RANBP17: variants seen among roughly 807,000 people sequenced by gnomAD.
RANBP17 encodes ran-binding protein 17.
In RANBP17, 158 loss-of-function variants were observed where a neutral mutation model predicts 141.2. The observed-to-expected ratio is 1.12, with a 90% CI of 0.98 to 1.28. RANBP17 has a LOEUF of 1.28. RANBP17 is among the 50% of genes most tolerant of loss of function. The pLI is 0.00. For synonymous variants in RANBP17, 430 were observed against 450.0 expected, an observed-to-expected ratio of 0.96 and a Z score of 0.56; for missense variants, 1,438 against 1,290.7, an observed-to-expected ratio of 1.11 and a Z score of -1.75.
chr5:171,116,022 A>T (rs1013361377), intron 14 of RANBP17, among the ~76,000 whole-genome samples: 4 of 152,146 alleles, frequency 2.6e-5, no homozygotes, highest in African/African-American at 9.7e-5. Context: ...TGAAATTGTG[A>T]CTTTGTTTTG....
chr5:170,912,894 T>C (rs943296092), intron 7 of RANBP17, among the ~76,000 whole-genome samples: 30 of 152,024 alleles, frequency 2.0e-4, no homozygotes, highest in African/African-American at 7.2e-4. Context: ...AAAAAAGATA[T>C]TCACTAAGCT....
chr5:170,880,646 G>A (rs1581038859), intron 2 of RANBP17, among the ~76,000 whole-genome samples: 1 of 152,196 alleles, frequency 6.6e-6, no homozygotes, highest in South Asian at 2.1e-4. Context: ...GATATTGCTT[G>A]GTCTGATATT....
At chr5:171,191,282 TA>T (rs1350632681) in intron 18 of RANBP17, among the ~76,000 whole-genome samples, 1 of 152,174 alleles carries the variant, frequency 6.6e-6, no homozygotes, top group African/African-American at 2.4e-5. Context: ...TAATAATAGT[TA>T]ACATTTGTTT....
chr5:171,117,642 C>T (rs189834258), intron 14 of RANBP17, among the ~76,000 whole-genome samples: 6 of 151,936 alleles, frequency 3.9e-5, no homozygotes, highest in Admixed American at 6.6e-5. Flanking sequence ...TACAGATGCA[C>T]GCCATGACGT....
intron 14 of RANBP17, among the ~76,000 whole-genome samples, chr5:171,162,588 T>G (rs1470635871): frequency 6.6e-6 from 1 of 152,132 alleles, no homozygotes; most frequent in Non-Finnish European, 1.5e-5. Context: ...ATACCTGTAC[T>G]CTTTCTAATA....
chr5:171,173,202 T>A (rs1452936871), intron 16 of RANBP17, among the ~76,000 whole-genome samples: 1 of 152,066 alleles, frequency 6.6e-6, no homozygotes, highest in Non-Finnish European at 1.5e-5. Flanking sequence ...TCTGTTTTAG[T>A]GCAGTTACTG....
At chr5:171,074,720 T>C (rs1417666386) in intron 14 of RANBP17, among the ~76,000 whole-genome samples, 5 of 152,218 alleles carry the variant, frequency 3.3e-5, no homozygotes, top group Non-Finnish European at 2.9e-5. Flanking sequence ...TAATTGCCTA[T>C]TATAATCTTT....
Position 170,918,707 on chromosome 5 carries a change from A to G in RANBP17, c.955-6A>G. 6.3e-7 allele frequency: 1 copy of G among 1,591,318 alleles called. No individual in the cohort carries two copies. The highest frequency in any genetic ancestry group is 1.4e-5 in the African/African-American group (1 of 73,500). ...TTTAAGCCTTTCTTTTTGTCTCATA[A>G]TTTAGGGTTTGTCTGATCCAGGTAA... On this transcript the variant is annotated splice_region_variant and splice_polypyrimidine_tract_variant and intron_variant, in intron 9 of 27. Transcript: ENST00000523189.
chr5:171,027,613 A>T (rs1781306180), intron 14 of RANBP17, among the ~76,000 whole-genome samples: 1 of 152,002 alleles, frequency 6.6e-6, no homozygotes, highest in African/African-American at 2.4e-5. Flanking sequence ...AATAATAATA[A>T]TATTAATGTC....
chr5:171,201,422 C>G (rs759449472), intron 19 of RANBP17, among the ~76,000 whole-genome samples: 20 of 152,234 alleles, frequency 1.3e-4, no homozygotes, highest in Non-Finnish European at 2.8e-4. Context: ...AGTGAGTAAC[C>G]TGAGAACTGT....
chr5:170,877,657 T>G (rs1218063056), intron 1 of RANBP17, among the ~76,000 whole-genome samples: 1 of 152,198 alleles, frequency 6.6e-6, no homozygotes, highest in East Asian at 1.9e-4. Flanking sequence ...TCATCTGGTA[T>G]CTCCTTGCTG....
intron 14 of RANBP17, among the ~76,000 whole-genome samples, chr5:171,024,752 G>A (rs1298508407): frequency 6.6e-6 from 1 of 150,854 alleles, no homozygotes; most frequent in African/African-American, 2.4e-5. Flanking sequence ...CTGATCTTTA[G>A]TGTTACAGTA....
chr5:171,212,689 G>A (rs925698663), intron 20 of RANBP17, among the ~76,000 whole-genome samples: 5 of 152,168 alleles, frequency 3.3e-5, no homozygotes, highest in Non-Finnish European at 7.4e-5. Flanking sequence ...ATTTAGTTGA[G>A]CATTTTGATC....
Position 171,035,745 on chromosome 5 carries a change from T to G in RANBP17, c.1710+67368T>G, listed in dbSNP as rs533041714. Among the ~76,000 whole-genome samples, 1,150 of 150,354 alleles carry G rather than the reference T, an allele frequency of 7.6e-3. 6 individuals are homozygous for G. The highest frequency in any genetic ancestry group is 0.055 in the Middle Eastern group (16 of 290). The stretch of plus-strand genomic sequence containing the variant: ...TGTTTGTTTCTTTTTTTGTTTTTTT[T>G]TTTTTTTTTTTAAGTAATTTCAACT... On this transcript the variant is annotated intron_variant, in intron 14 of 27. Coordinates refer to ENST00000523189, the MANE Select transcript of RANBP17 (RefSeq NM_022897.5).
intron 5 of RANBP17, among the ~76,000 whole-genome samples, chr5:170,906,674 G>A (rs927928975): frequency 6.6e-6 from 1 of 151,780 alleles, no homozygotes; most frequent in African/African-American, 2.4e-5. Context: ...TATTACTATG[G>A]ATTCCTCGTT....
chr5:170,992,965 T>A (rs147427951), intron 14 of RANBP17, among the ~76,000 whole-genome samples: 350 of 152,168 alleles, frequency 2.3e-3, no homozygotes, highest in Non-Finnish European at 4.0e-3. Context: ...CTCACAAAAA[T>A]TTGAGAACTA....
At chr5:171,262,200 T>A (rs1203561279) in intron 24 of RANBP17, among the ~76,000 whole-genome samples, 3 of 152,212 alleles carry the variant, frequency 2.0e-5, no homozygotes, top group Non-Finnish European at 4.4e-5. Context: ...GGGAACCATA[T>A]CTGCTTCCTG....
At chr5:170,994,306 T>TTA (rs1778689053) in intron 14 of RANBP17, among the ~76,000 whole-genome samples, 1 of 152,056 alleles carries the variant, frequency 6.6e-6, no homozygotes, top group African/African-American at 2.4e-5. Context: ...GTGGTTCTAT[T>TTA]ATGTAGAAGG....
At chr5:171,042,105 G>T (rs759818245) in intron 14 of RANBP17, among the ~76,000 whole-genome samples, 5 of 151,978 alleles carry the variant, frequency 3.3e-5, no homozygotes, top group African/African-American at 1.2e-4. Flanking sequence ...AGTATTCTAT[G>T]ATATATATGT....
Sources: gnomAD v4.1 joint callset for allele counts (sites outside exome capture counted in the v4.1 genomes callset) on GRCh38, gnomAD v4.1.1 for gene constraint, MANE v1.5 for transcripts, NCBI Gene and HGNC (gene_info 2026-07-23, HGNC 2026-07-21) for gene names.